The following MID1 variants were observed in gnomAD, a reference collection of about 807,000 sequenced individuals.
MID1 encodes the protein E3 ubiquitin-protein ligase Midline-1.
In MID1, 7 loss-of-function variants were observed where a neutral mutation model predicts 40.4. That is an observed-to-expected ratio of 0.17 (90% CI 0.10 to 0.33). The LOEUF (loss-of-function observed/expected upper bound fraction) is 0.33, where lower values mean the gene tolerates loss of function less well. MID1 is among the 10% of genes least tolerant of loss of function. The probability of loss-of-function intolerance (pLI) is 1.00; values close to 1 mark genes in which losing one functional copy is unlikely to be tolerated. For synonymous variants in MID1, 229 were observed against 221.2 expected (o/e 1.04, Z -0.31); for missense variants, 367 against 558.5 (o/e 0.66, Z 3.46).
At chrX:10,745,689 A>G (rs73482909) in intron 1 of MID1, among the ~76,000 whole-genome samples, 11,904 of 112,313 alleles carry the variant, frequency 0.11, 1,528 homozygotes, top group African/African-American at 0.36. Context: ...AGAAGTGGTA[A>G]AAATGGAGTT....
At chrX:10,465,187 TTATATATATATA>T (rs1170214071) in intron 7 of MID1, among the ~76,000 whole-genome samples, 3 of 48,095 alleles carry the variant, frequency 6.2e-5, no homozygotes, top group Admixed American at 2.4e-4. Context: ...GTCTGAAATT[TTATATATATATA>T]TATATATATA....
At chrX:10,609,679 T>C (rs1178242118) in intron 1 of MID1, among the ~76,000 whole-genome samples, 3 of 110,042 alleles carry the variant, frequency 2.7e-5, no homozygotes, top group African/African-American at 9.9e-5. Context: ...CAAACATCGT[T>C]GTACTAGACC....
At chrX:10,526,971 G>T (rs1450485908) in intron 2 of MID1, among the ~76,000 whole-genome samples, 1 of 111,343 alleles carries the variant, frequency 9.0e-6, no homozygotes, top group Non-Finnish European at 1.9e-5. Context: ...GCACCCATAA[G>T]CTTCCACTAC....
At chrX:10,570,408 T>C (rs753553231) in intron 1 of MID1, among the ~76,000 whole-genome samples, 1 of 112,545 alleles carries the variant, frequency 8.9e-6, no homozygotes, top group Non-Finnish European at 1.9e-5. Flanking sequence ...CATATTCTTT[T>C]AGTTTGTTTA....
chrX:10,831,269 G>T (rs1237650259), intron 1 of MID1, among the ~76,000 whole-genome samples: 2 of 111,959 alleles, frequency 1.8e-5, no homozygotes, highest in Non-Finnish European at 3.8e-5. Flanking sequence ...AAGTAAGTTT[G>T]CAGCAAACCA....
At chrX:10,718,978 CT>C (rs963521066) in intron 1 of MID1, among the ~76,000 whole-genome samples, 7 of 111,707 alleles carry the variant, frequency 6.3e-5, no homozygotes, top group Non-Finnish European at 1.3e-4. Context: ...CAGAAAAGGC[CT>C]TTGACAAAAT....
intron 7 of MID1, among the ~76,000 whole-genome samples, chrX:10,464,020 A>AAAC (rs1317066137): frequency 9.8e-5 from 11 of 112,302 alleles, no homozygotes; most frequent in African/African-American, 3.6e-4. Flanking sequence ...ATCCTGATAC[A>AAAC]AACAACCCGG....
At chrX:10,594,999 C>A (rs1210703174) in intron 1 of MID1, among the ~76,000 whole-genome samples, 1 of 111,542 alleles carries the variant, frequency 9.0e-6, no homozygotes, top group Non-Finnish European at 1.9e-5. Context: ...CCATAACTGG[C>A]ATTTAAAAAA....
intron 4 of MID1, among the ~76,000 whole-genome samples, chrX:10,487,169 T>C (rs1219987083): frequency 9.0e-6 from 1 of 111,698 alleles, no homozygotes; most frequent in East Asian, 2.8e-4. Flanking sequence ...GGTAAAATAT[T>C]ATTGATAGCA....
At chrX:10,730,219 A>G in intron 1 of MID1, among the ~76,000 whole-genome samples, 1 of 111,661 alleles carries the variant, frequency 9.0e-6, no homozygotes, top group Non-Finnish European at 1.9e-5. Context: ...ACAAATCTGG[A>G]TGCCCAATTT....
chrX:10,685,211 A>T (rs1009037885), intron 1 of MID1, among the ~76,000 whole-genome samples: 7 of 111,627 alleles, frequency 6.3e-5, no homozygotes, highest in African/African-American at 2.0e-4. Flanking sequence ...TAAAGTATTA[A>T]TTTTTTCTAT....
chrX:10,645,434 A>C (rs1444502830), intron 1 of MID1, among the ~76,000 whole-genome samples: 1 of 112,114 alleles, frequency 8.9e-6, no homozygotes, highest in Non-Finnish European at 1.9e-5. Flanking sequence ...ACAGTTGGTC[A>C]CCTTTGATTG....
intron 1 of MID1, among the ~76,000 whole-genome samples, chrX:10,760,389 T>C (rs930340941): frequency 3.6e-5 from 4 of 112,408 alleles, no homozygotes; most frequent in Admixed American, 1.9e-4. Context: ...AAAATGCCTT[T>C]TATTTTCTTG....
chrX:10,557,455 C>T (rs140839813), intron 2 of MID1, among the ~76,000 whole-genome samples: 1,579 of 111,831 alleles, frequency 0.014, 30 homozygotes, highest in African/African-American at 0.048. Flanking sequence ...CACTGTTAAC[C>T]GCTGTAGGAA....
intron 2 of MID1, among the ~76,000 whole-genome samples, chrX:10,545,853 T>C (rs1051117161): frequency 2.7e-5 from 3 of 112,258 alleles, no homozygotes; most frequent in African/African-American, 6.5e-5. Flanking sequence ...CAGTTCATAG[T>C]AGTCATGATT....
chrX:10,754,023 C>A (rs1357680815), intron 1 of MID1, among the ~76,000 whole-genome samples: 2 of 112,319 alleles, frequency 1.8e-5, no homozygotes, highest in African/African-American at 6.5e-5. Context: ...AGACCTGTCA[C>A]AAATCTCCTG....
chrX:10,704,003 C>T, intron 1 of MID1, among the ~76,000 whole-genome samples: 1 of 112,255 alleles, frequency 8.9e-6, no homozygotes, highest in Non-Finnish European at 1.9e-5. Context: ...ATTGCTAAAA[C>T]ATCTCTTGGA....
Position 10,446,983 on chromosome X carries a change from C to G in MID1, c.*2385G>C, listed in dbSNP as rs1483405891. 9.0e-6 allele frequency: 1 copy of G among 111,012 alleles called. No individual in the cohort carries two copies. Among genetic ancestry groups the G allele is most frequent in the Non-Finnish European group, 1.9e-5 (1 of 53,229 alleles). 9.1% of individuals were successfully genotyped at this position (111,012 alleles called of 1,213,427 possible). ...AAAATTACACTGCAGCAAATTTTTA[C>G]AGCATACATTTTTTAGACTTTCAAA... On this transcript the variant is annotated 3_prime_UTR_variant, in exon 10 of 10. Transcript: ENST00000317552.
Position 10,813,179 on chromosome X carries a change from T to C in MID1, c.-187+20375A>G, listed in dbSNP as rs185528103. On this transcript the variant is annotated intron_variant, in intron 1 of 10. Coordinates refer to the MID1 transcript ENST00000380785. The stretch of plus-strand genomic sequence containing the variant: ...AAAAAAAATGCTCCATAGACACTTA[T>C]GGAGAAAGTGCAAAAATGGAGCCTG... Among the ~76,000 whole-genome samples, 8 of 110,237 alleles carry C rather than the reference T, an allele frequency of 7.3e-5. No individual in the cohort carries two copies. In the East Asian group the frequency reaches 2.3e-3, roughly 32 times the overall value.
Sources: allele counts gnomAD v4.1 joint callset (sites outside exome capture counted in the v4.1 genomes callset), GRCh38; gene constraint gnomAD v4.1.1; transcripts MANE v1.5; gene names NCBI Gene and HGNC (gene_info 2026-07-23, HGNC 2026-07-21).